The following CDH23 variants were observed in gnomAD, a reference collection of about 807,000 sequenced individuals.
The protein encoded by CDH23 is cadherin related 23.
CDH23 carries 189 observed loss-of-function variants against 317.1 expected under a neutral mutation model. The observed-to-expected ratio is 0.60, with a 90% confidence interval of 0.53 to 0.67. The LOEUF is 0.67. Ranked by LOEUF, CDH23 falls within the 30% of genes least tolerant of loss-of-function variation. The probability of loss-of-function intolerance (pLI) is 0.00; values close to 1 mark genes in which losing one functional copy is unlikely to be tolerated. For synonymous variants in CDH23, 1,839 were observed against 1,876.8 expected (o/e 0.98, Z 0.52); for missense variants, 4,401 against 4,592.4 (o/e 0.96, Z 1.20).
Position 71,815,574 on chromosome 10 carries a change from C to T in CDH23, c.*296C>T, listed in dbSNP as rs1447969399. The T allele has an allele frequency of 7.0e-6, 2 of 284,088 alleles. No individual in the cohort carries two copies. Among genetic ancestry groups the T allele is most frequent in the African/African-American group, 2.2e-5 (1 of 45,966 alleles). 17.6% of individuals were successfully genotyped at this position (284,088 alleles called of 1,614,324 possible). A position where few individuals can be genotyped will look rare whatever the true frequency, so the allele number is the denominator to read the frequency against. On this transcript the variant is annotated 3_prime_UTR_variant, in exon 70 of 70. Transcript: ENST00000224721. ...TCACTGGGGCCCAAGAGTCTGGGGA[C>T]CAGCTTGGCTCAGGCTGAGCTGAAA...
intron 69 of CDH23, among the ~76,000 whole-genome samples, chr10:71,813,830 C>G (rs372634256): frequency 1.3e-5 from 2 of 152,068 alleles, no homozygotes; most frequent in South Asian, 4.1e-4. Flanking sequence ...ATTGCTGGAA[C>G]CCAGGAGGCG....
intron 28 of CDH23, among the ~76,000 whole-genome samples, chr10:71,722,225 G>A (rs958168969): frequency 6.6e-6 from 1 of 152,236 alleles, no homozygotes; most frequent in Non-Finnish European, 1.5e-5. Flanking sequence ...AGGATTGCTT[G>A]AGCTCAGGAG....
At chr10:71,811,121 T>C (rs937922350) in intron 62 of CDH23, among the ~76,000 whole-genome samples, 194 bp from the exon 63 acceptor site, 2 of 147,986 alleles carry the variant, frequency 1.4e-5, no homozygotes, top group African/African-American at 5.0e-5. Context: ...TTCCATCCAC[T>C]GTAAGGATGG....
intron 20 of CDH23, among the ~76,000 whole-genome samples, chr10:71,693,867 C>T (rs78950874): frequency 2.0e-5 from 3 of 152,110 alleles, no homozygotes; most frequent in East Asian, 1.9e-4. Flanking sequence ...CCCCTAACCC[C>T]GAGAATCAGC....
At chr10:71,482,894 C>T (rs1019246327) in intron 3 of CDH23, among the ~76,000 whole-genome samples, 1 of 152,146 alleles carries the variant, frequency 6.6e-6, no homozygotes, top group African/African-American at 2.4e-5. Context: ...TGAAGTGTTT[C>T]CAGGCAACAG....
intron 6 of CDH23, among the ~76,000 whole-genome samples, chr10:71,525,166 C>G (rs1304550269): frequency 1.3e-5 from 2 of 152,214 alleles, no homozygotes; most frequent in Admixed American, 1.3e-4. Context: ...CTCGGCCCCC[C>G]AAAGTGCTGG....
At position 71,800,617 on chromosome 10, in the gene CDH23, G is replaced by A; in HGVS notation, c.7363-19G>A. On this transcript the variant is annotated intron_variant, in intron 52 of 69. Coordinates refer to ENST00000224721, the MANE Select transcript of CDH23 (RefSeq NM_022124.6). ...CTTTTGAATGATTGAAGGACCTAAA[G>A]CCACCCTCCCCCTACTAGGGTGACA... The A allele has an allele frequency of 6.2e-7, 1 of 1,612,652 alleles. No individual in the cohort carries two copies.
intron 28 of CDH23, chr10:71,719,839 T>C (rs1866466196): frequency 6.6e-6 from 1 of 152,464 alleles, no homozygotes; most frequent in African/African-American, 2.4e-5. Flanking sequence ...GGCCCTGCCT[T>C]GGGGGAGGGG....
chr10:71,400,467 G>A (rs1847730120), intron 1 of CDH23, among the ~76,000 whole-genome samples: 1 of 152,228 alleles, frequency 6.6e-6, no homozygotes. Flanking sequence ...CTAATGTGAA[G>A]ACATTCAGAC....
rs539228531 is a variant in CDH23 at position 71,742,574 on chromosome 10, T to C, written c.4845+653T>C. 6.6e-5 allele frequency among the ~76,000 whole-genome samples: 10 copies of C among 152,250 alleles called. No homozygotes were observed. The South Asian group carries it at 1.7e-3, about 25-fold the overall frequency. ...GGCTTATAAACTGAAAGCAGGGAAT[T>C]TGGAGTCAGGAGCACTGTGGCTGGC... On this transcript the variant is annotated intron_variant, in intron 38 of 69. Coordinates refer to ENST00000224721, the MANE Select transcript of CDH23 (RefSeq NM_022124.6).
At chr10:71,670,267 G>GC (rs981457833) in intron 14 of CDH23, among the ~76,000 whole-genome samples, 4 of 152,324 alleles carry the variant, frequency 2.6e-5, no homozygotes, top group African/African-American at 9.6e-5. Context: ...TGGGGTATCA[G>GC]CCCCACAGAA....
chr10:71,554,231 T>C (rs1436370446), intron 6 of CDH23, among the ~76,000 whole-genome samples: 1 of 152,310 alleles, frequency 6.6e-6, no homozygotes, highest in African/African-American at 2.4e-5. Context: ...AGGGTCTCAC[T>C]CTGTGGCCCC....
chr10:71,702,658 G>A lies in CDH23; in HGVS notation c.2697G>A (p.Val899=). Residue 899 remains valine (V), a synonymous_variant, in exon 24 of 70, where the codon GTG becomes GTA. Transcript: ENST00000224721. ...AGAACCTGCCTTTTGTGGCCGAGGT[G>A]CTTGAAGGCATCCCGGCGGGGGTCT... ...TFQNLPFVAE[V]LEGIPAGVSI... is the part of the protein sequence containing the mutation. The A allele has an allele frequency of 6.2e-7, 1 of 1,613,912 alleles. No individual in the cohort carries two copies. Among genetic ancestry groups the A allele is most frequent in the Admixed American group, 1.7e-5 (1 of 60,032 alleles).
chr10:71,650,164 G>A (rs1390251638), intron 14 of CDH23, among the ~76,000 whole-genome samples: 1 of 152,238 alleles, frequency 6.6e-6, no homozygotes, highest in Non-Finnish European at 1.5e-5. Flanking sequence ...TTTAGGGCCT[G>A]TGGCACCACC....
chr10:71,478,002 G>T (rs969555877), intron 3 of CDH23, among the ~76,000 whole-genome samples: 2 of 152,048 alleles, frequency 1.3e-5, no homozygotes, highest in African/African-American at 4.8e-5. Flanking sequence ...CAATCTATGA[G>T]AATTGGCACA....
chr10:71,630,636 C>CA (rs1861963408), intron 11 of CDH23, among the ~76,000 whole-genome samples: 1 of 152,240 alleles, frequency 6.6e-6, no homozygotes. Context: ...AGGTTAGCTT[C>CA]CAGCGTGTTA....
At chr10:71,608,138 G>T (rs1564684216) in intron 9 of CDH23, among the ~76,000 whole-genome samples, 1 of 152,208 alleles carries the variant, frequency 6.6e-6, no homozygotes. Context: ...TGGAGCTGTT[G>T]TTGGAACCTA....
chr10:71,403,861 G>C (rs1244151442), intron 1 of CDH23, among the ~76,000 whole-genome samples: 1 of 152,106 alleles, frequency 6.6e-6, no homozygotes, highest in African/African-American at 2.4e-5. Flanking sequence ...AGGCCGAGGT[G>C]GGTGGATCAT....
rs763651734 is a variant in CDH23 at position 71,577,898 on chromosome 10, C to T, written c.754-16C>T. ...CCAGGGGACCCAAACTCAAGTCCCTCCTCTCTTCTGCCCAGGGCACGACGG... is the reference window on the plus strand; with the variant it reads ...CCAGGGGACCCAAACTCAAGTCCCTTCTCTCTTCTGCCCAGGGCACGACGG... On this transcript the variant is annotated splice_polypyrimidine_tract_variant and intron_variant, in intron 8 of 69. Coordinates refer to ENST00000224721, the MANE Select transcript of CDH23 (RefSeq NM_022124.6). 3 of 1,582,788 alleles carry T rather than the reference C, an allele frequency of 1.9e-6. No individual in the cohort carries two copies. The highest frequency in any genetic ancestry group is 1.3e-5 in the African/African-American group (1 of 74,242).
Sources: gnomAD v4.1 joint callset for allele counts (sites outside exome capture counted in the v4.1 genomes callset) on GRCh38, gnomAD v4.1.1 for gene constraint, MANE v1.5 for transcripts, NCBI Gene and HGNC (gene_info 2026-07-23, HGNC 2026-07-21) for gene names.